The following TYW1 variants were observed in gnomAD, a reference collection of about 807,000 sequenced individuals.
TYW1 encodes the protein S-adenosyl-L-methionine-dependent tRNA 4-demethylwyosine synthase TYW1.
A neutral mutation model predicts 96.2 loss-of-function variants in TYW1; 46 were observed. The observed-to-expected ratio is 0.48, with a 90% CI of 0.38 to 0.61. The LOEUF (loss-of-function observed/expected upper bound fraction) is 0.61, where lower values mean the gene tolerates loss of function less well. Ranked by LOEUF, TYW1 falls within the 20% of genes least tolerant of loss-of-function variation. The pLI is 0.00. For synonymous variants in TYW1, 274 were observed against 323.0 expected (o/e 0.85, Z 1.63); for missense variants, 684 against 909.6 (o/e 0.75, Z 3.19).
chr7:67,217,375 A>G (rs1487768825), intron 15 of TYW1, among the ~76,000 whole-genome samples: 1 of 152,022 alleles, frequency 6.6e-6, no homozygotes, highest in Non-Finnish European at 1.5e-5. Context: ...TCCTTCTAAG[A>G]GTCTTATAGT....
intron 4 of TYW1, among the ~76,000 whole-genome samples, chr7:67,013,652 A>C (rs557265458): frequency 1.1e-3 from 169 of 151,956 alleles, no homozygotes; most frequent in African/African-American, 3.5e-3. Flanking sequence ...GTTTTCTCTT[A>C]AGGTTTGAAA....
intron 15 of TYW1, among the ~76,000 whole-genome samples, chr7:67,202,465 T>C (rs985305795): frequency 4.6e-5 from 7 of 152,150 alleles, no homozygotes; most frequent in Admixed American, 6.6e-5. Context: ...GGCGTGAACA[T>C]GGCTCATTGC....
At chr7:67,172,430 C>CCTTTTT (rs777213368) in intron 13 of TYW1, among the ~76,000 whole-genome samples, 31 of 143,890 alleles carry the variant, frequency 2.2e-4, no homozygotes, top group African/African-American at 3.4e-4. Flanking sequence ...CCTTACCATT[C>CCTTTTT]TTTTTTTTGA....
At chr7:67,038,485 G>A (rs1794906561) in intron 7 of TYW1, among the ~76,000 whole-genome samples, 2 of 151,360 alleles carry the variant, frequency 1.3e-5, no homozygotes, top group Admixed American at 6.6e-5. Context: ...TGGTACCTGT[G>A]GTCCCAGCTA....
At chr7:67,005,329 C>T (rs1248163599) in intron 3 of TYW1, among the ~76,000 whole-genome samples, 2 of 152,200 alleles carry the variant, frequency 1.3e-5, no homozygotes, top group Non-Finnish European at 2.9e-5. Flanking sequence ...GGCACAGTGG[C>T]TCACGCCTAT....
rs368425071 is a variant in TYW1, at chr7:67,220,411, G to A, written c.1978-17897G>A. Among the ~76,000 whole-genome samples the A allele has an allele frequency of 3.9e-4, 59 of 152,008 alleles. 1 individual carries two copies. The highest frequency in any genetic ancestry group is 1.2e-3 in the African/African-American group (51 of 41,478). ...GTAAAGATGGGGTTTCACCGTGTTAGCCAGGATAGTCTCGATCTCCTGACC... is the reference window on the plus strand; with the variant it reads ...GTAAAGATGGGGTTTCACCGTGTTAACCAGGATAGTCTCGATCTCCTGACC... On this transcript the variant is annotated intron_variant, in intron 15 of 15. Coordinates refer to ENST00000359626, the MANE Select transcript of TYW1 (RefSeq NM_018264.4).
intron 11 of TYW1, among the ~76,000 whole-genome samples, chr7:67,086,001 CT>C (rs1195264834): frequency 6.6e-6 from 1 of 151,896 alleles, no homozygotes; most frequent in Non-Finnish European, 1.5e-5. Flanking sequence ...AATAATTATA[CT>C]TTTTTTCTTT....
intron 11 of TYW1, among the ~76,000 whole-genome samples, chr7:67,093,304 T>G (rs1309962191): frequency 6.6e-6 from 1 of 152,264 alleles, no homozygotes; most frequent in Non-Finnish European, 1.5e-5. Context: ...TTAATTGTTA[T>G]AATAGCTGTA....
At chr7:67,018,190 G>A in intron 6 of TYW1, 47 bp downstream of exon 6, 1 of 1,581,246 alleles carries the variant, frequency 6.3e-7, no homozygotes, top group South Asian at 1.2e-5. Flanking sequence ...TCTTCTGCTT[G>A]GAGATCTCGA....
In TYW1 at chr7:67,117,499, A is replaced by T. The variant is rs775566163; in HGVS notation, c.1579A>T (p.Thr527Ser). 1.4e-5 allele frequency: 23 copies of T among 1,606,570 alleles called. No homozygotes were observed. Among genetic ancestry groups the T allele is most frequent in the Non-Finnish European group, 2.0e-5 (23 of 1,178,258 alleles). The change falls in exon 13 of 16, where the codon ACT becomes TCT. Residue 527 changes from threonine to serine, a missense_variant. By Grantham distance (58) the Thr-to-Ser change is moderately conservative. Coordinates refer to ENST00000359626, the MANE Select transcript of TYW1 (RefSeq NM_018264.4). ...ATTACTAAGGAACCTCGAGCCGGTT[A>T]CTCAGCTGTATGTCAGTGTGGATGC... ...PAEIRNLEPV[T>S]QLYVSVDAST...
At chr7:67,231,118 C>A (rs1801738906) in intron 15 of TYW1, among the ~76,000 whole-genome samples, 1 of 152,146 alleles carries the variant, frequency 6.6e-6, no homozygotes, top group South Asian at 2.1e-4. Context: ...CCAAGCCATG[C>A]CATCTCCTGC....
intron 15 of TYW1, among the ~76,000 whole-genome samples, chr7:67,222,866 CTTTTT>C (rs570972265): frequency 9.1e-6 from 1 of 109,630 alleles, no homozygotes; most frequent in Non-Finnish European, 1.9e-5. Context: ...CGCTTTTTTT[CTTTTT>C]TTTTTTTTTT....
At chr7:67,034,229 G>T (rs1584486458) in intron 7 of TYW1, among the ~76,000 whole-genome samples, 1 of 151,276 alleles carries the variant, frequency 6.6e-6, no homozygotes, top group South Asian at 2.1e-4. Context: ...TCAGCCTCCC[G>T]AGTAGCTGGG....
At chr7:67,056,588 A>G (rs1396206520) in intron 9 of TYW1, among the ~76,000 whole-genome samples, 1 of 152,086 alleles carries the variant, frequency 6.6e-6, no homozygotes, top group Non-Finnish European at 1.5e-5. Flanking sequence ...TTTGAGATGC[A>G]TCCGTGTCGT....
chr7:67,141,906 G>A (rs1212789578), intron 13 of TYW1, among the ~76,000 whole-genome samples: 1 of 152,106 alleles, frequency 6.6e-6, no homozygotes, highest in East Asian at 1.9e-4. Flanking sequence ...GTGGTGGTAG[G>A]CGCCTGTAAT....
chr7:67,172,144 T>G (rs1799534654), intron 13 of TYW1, among the ~76,000 whole-genome samples: 1 of 151,984 alleles, frequency 6.6e-6, no homozygotes, highest in African/African-American at 2.4e-5. Flanking sequence ...TTTTTCTCTA[T>G]TTTTTTGCTT....
At chr7:67,074,401 T>A (rs1280263636) in intron 10 of TYW1, among the ~76,000 whole-genome samples, 5 of 152,240 alleles carry the variant, frequency 3.3e-5, no homozygotes, top group Non-Finnish European at 7.3e-5. Context: ...GTAGTGCTCC[T>A]TAATCTTAAT....
At chr7:67,205,125 C>A (rs962740600) in intron 15 of TYW1, among the ~76,000 whole-genome samples, 1 of 152,118 alleles carries the variant, frequency 6.6e-6, no homozygotes, top group Non-Finnish European at 1.5e-5. Context: ...AATAAATCTT[C>A]TGTCTTAGCC....
intron 11 of TYW1, chr7:67,089,558 G>A (rs767838473): frequency 7.9e-4 from 494 of 626,990 alleles, no homozygotes; most frequent in Non-Finnish European, 6.9e-4. Context: ...AACGCCTGCC[G>A]TCTGTCCTGG....
Sources: gnomAD v4.1 joint callset for allele counts (sites outside exome capture counted in the v4.1 genomes callset) on GRCh38, gnomAD v4.1.1 for gene constraint, MANE v1.5 for transcripts, NCBI Gene and HGNC (gene_info 2026-07-23, HGNC 2026-07-21) for gene names.